KIF26B: variants seen among roughly 807,000 people sequenced by gnomAD.
KIF26B encodes kinesin family member 26B, also known as kinesin-like protein KIF26B.
A neutral mutation model predicts 151.2 loss-of-function variants in KIF26B; 63 were observed. The observed-to-expected ratio is 0.42, with a 90% CI of 0.34 to 0.51. The LOEUF (loss-of-function observed/expected upper bound fraction) is 0.51. Ranked by LOEUF, KIF26B falls within the 20% of genes least tolerant of loss-of-function variation. KIF26B has a pLI of 0.07. For synonymous variants in KIF26B, 1,357 were observed against 1,262.1 expected (o/e 1.08, Z -1.59); for missense variants, 2,813 against 2,913.6 (o/e 0.97, Z 0.79).
chr1:245,494,294 A>G (rs1660466996), intron 4 of KIF26B, among the ~76,000 whole-genome samples: 1 of 132,746 alleles, frequency 7.5e-6, no homozygotes, highest in Admixed American at 8.4e-5. Context: ...CAACAAGACC[A>G]AAACTCTGTC....
chr1:245,494,576 A>G (rs1660474766), intron 4 of KIF26B, among the ~76,000 whole-genome samples: 1 of 152,198 alleles, frequency 6.6e-6, no homozygotes, highest in South Asian at 2.1e-4. Flanking sequence ...TCAATGAAAA[A>G]TGATCAAGCA....
chr1:245,369,259 A>G (rs1181159843), intron 3 of KIF26B, among the ~76,000 whole-genome samples: 2 of 152,074 alleles, frequency 1.3e-5, no homozygotes, highest in East Asian at 3.9e-4. Flanking sequence ...GAAGCTGGGG[A>G]AGCCAATCTA....
chr1:245,423,161 C>T (rs191336975), intron 4 of KIF26B, among the ~76,000 whole-genome samples: 6 of 151,132 alleles, frequency 4.0e-5, no homozygotes, highest in Non-Finnish European at 7.4e-5. Flanking sequence ...GGGGCCATTT[C>T]GTTTTATATG....
At chr1:245,701,201 A>AAAT (rs2044767213) in intron 14 of KIF26B, among the ~76,000 whole-genome samples, 1 of 152,190 alleles carries the variant, frequency 6.6e-6, no homozygotes, top group Non-Finnish European at 1.5e-5. Context: ...ATGAAAGGGG[A>AAAT]AATATATATT....
At position 245,539,424 on chromosome 1, in the gene KIF26B, A is replaced by G. The variant is rs375669880; in HGVS notation, c.1167-1343A>G. Among the ~76,000 whole-genome samples, 157 of 152,292 alleles carry G rather than the reference A, an allele frequency of 1.0e-3. 6 individuals carry two copies. The South Asian group carries it at 0.032, about 31-fold the overall frequency. The stretch of plus-strand genomic sequence containing the variant: ...GTTCTGCAACTGGTAAGAACATTGG[A>G]TGAATTATAAGATTTTAATCAGTAG... On this transcript the variant is annotated intron_variant, in intron 4 of 14. Transcript: ENST00000407071.
chr1:245,285,745 C>G (rs1671154826), intron 2 of KIF26B, among the ~76,000 whole-genome samples: 1 of 150,882 alleles, frequency 6.6e-6, no homozygotes, highest in African/African-American at 2.4e-5. Flanking sequence ...GAGTTTGAGA[C>G]CAGCCTGGTG....
At chr1:245,541,612 A>G (rs952575705) in intron 5 of KIF26B, among the ~76,000 whole-genome samples, 1 of 152,216 alleles carries the variant, frequency 6.6e-6, no homozygotes, top group Admixed American at 6.5e-5. Flanking sequence ...ATTGGTGAAT[A>G]AGCCAGGGCT....
Position 245,682,030 on chromosome 1 carries a change from G to A in KIF26B, c.2259-2203G>A, listed in dbSNP as rs1224557540. On this transcript the variant is annotated intron_variant, in intron 10 of 14. Coordinates refer to ENST00000407071, the MANE Select transcript of KIF26B (RefSeq NM_018012.4). ...GGCCGAGGCGGGCGGATCGCCTGAG[G>A]TCAGGAGTTTGAGACTAGACTGGCC... Among the ~76,000 whole-genome samples, 3 of 152,168 alleles carry A rather than the reference G, an allele frequency of 2.0e-5. 1 individual carries two copies. The South Asian group carries it at 6.2e-4, about 31-fold the overall frequency.
intron 2 of KIF26B, among the ~76,000 whole-genome samples, chr1:245,172,624 A>G (rs937235691): frequency 6.6e-6 from 1 of 152,210 alleles, no homozygotes; most frequent in Non-Finnish European, 1.5e-5. Flanking sequence ...AGCCTGGCCA[A>G]CATGGTGAAA....
At chr1:245,643,851 A>T (rs973583567) in intron 9 of KIF26B, among the ~76,000 whole-genome samples, 1 of 152,202 alleles carries the variant, frequency 6.6e-6, no homozygotes, top group Non-Finnish European at 1.5e-5. Flanking sequence ...TCCAATGAGA[A>T]ATCTGCCGTC....
chr1:245,341,063 C>T (rs1204989396), intron 2 of KIF26B, among the ~76,000 whole-genome samples: 2 of 152,166 alleles, frequency 1.3e-5, no homozygotes, highest in Non-Finnish European at 2.9e-5. Flanking sequence ...CCTCCTTTCC[C>T]AATCCCAGTG....
intron 10 of KIF26B, among the ~76,000 whole-genome samples, chr1:245,678,342 C>T (rs1434550403): frequency 6.6e-6 from 1 of 152,032 alleles, no homozygotes; most frequent in Non-Finnish European, 1.5e-5. Context: ...CCAGCATCTC[C>T]ATCTCTCTAC....
At chr1:245,539,738 C>T (rs537355351) in intron 4 of KIF26B, among the ~76,000 whole-genome samples, 39 of 152,226 alleles carry the variant, frequency 2.6e-4, no homozygotes, top group South Asian at 6.2e-4. Context: ...CTGCAACCTC[C>T]GCCTCCTGGG....
At chr1:245,204,847 C>T (rs1573706823) in intron 2 of KIF26B, among the ~76,000 whole-genome samples, 1 of 152,168 alleles carries the variant, frequency 6.6e-6, no homozygotes, top group East Asian at 1.9e-4. Flanking sequence ...GTGGCAGAAT[C>T]ATAGCTCACT....
rs1304465580 is a variant in KIF26B at position 245,563,608 on chromosome 1, G to A, written c.1350+22658G>A. Among the ~76,000 whole-genome samples, 4 of 152,314 alleles carry A rather than the reference G, an allele frequency of 2.6e-5. No homozygotes were observed. The highest frequency in any genetic ancestry group is 9.6e-5 in the African/African-American group (4 of 41,566). On this transcript the variant is annotated intron_variant, in intron 5 of 14. Coordinates refer to ENST00000407071, the MANE Select transcript of KIF26B (RefSeq NM_018012.4). The surrounding 1 kb of genome is among the most constrained non-coding windows in gnomAD (Gnocchi z 4.6). ...GCCTTCAACTCCCACCTATGAAGCA[G>A]CCAGTGGCCTCGGGAGTGGGGCTGC...
At chr1:245,338,917 T>C (rs914439199) in intron 2 of KIF26B, among the ~76,000 whole-genome samples, 1 of 152,070 alleles carries the variant, frequency 6.6e-6, no homozygotes, top group South Asian at 2.1e-4. Context: ...GGATATTTCA[T>C]TGGTACTAGA....
intron 9 of KIF26B, among the ~76,000 whole-genome samples, chr1:245,623,425 T>C (rs1309712280): frequency 6.6e-6 from 1 of 152,186 alleles, no homozygotes; most frequent in East Asian, 1.9e-4. Context: ...ATAGTTCATA[T>C]ATTTATATTT....
At chr1:245,539,569 TA>T (rs1661557051) in intron 4 of KIF26B, among the ~76,000 whole-genome samples, 1 of 152,208 alleles carries the variant, frequency 6.6e-6, no homozygotes, top group African/African-American at 2.4e-5. Flanking sequence ...GAAATGAGTA[TA>T]TTAGAGTCTG....
chr1:245,333,350 C>T (rs1047139698), intron 2 of KIF26B, among the ~76,000 whole-genome samples: 1 of 152,172 alleles, frequency 6.6e-6, no homozygotes, highest in Non-Finnish European at 1.5e-5. Context: ...GTCACAAAAG[C>T]GCAAATACTG....
Sources: allele counts gnomAD v4.1 joint callset (sites outside exome capture counted in the v4.1 genomes callset), GRCh38; gene constraint gnomAD v4.1.1; non-coding constraint Gnocchi (gnomAD v3.1); transcripts MANE v1.5; gene names NCBI Gene and HGNC (gene_info 2026-07-23, HGNC 2026-07-21).